GNAQ: variants seen among roughly 807,000 people sequenced by gnomAD.
GNAQ encodes G protein subunit alpha q.
In GNAQ, 8 loss-of-function variants were observed where a neutral mutation model predicts 43.9. The observed-to-expected ratio is 0.18, with a 90% CI of 0.11 to 0.33. The LOEUF is 0.33. GNAQ is among the 10% of genes least tolerant of loss of function. The probability of loss-of-function intolerance (pLI) is 1.00; values close to 1 mark genes in which losing one functional copy is unlikely to be tolerated. For synonymous variants in GNAQ, 155 were observed against 170.7 expected (o/e 0.91, Z 0.71); for missense variants, 158 against 450.8 (o/e 0.35, Z 5.88).
Position 77,890,493 on chromosome 9 carries a change from G to A in GNAQ, c.321+31668C>T, listed in dbSNP as rs529884666. Among the ~76,000 whole-genome samples, 13 of 152,308 alleles carry A rather than the reference G, an allele frequency of 8.5e-5. 1 individual carries two copies. Among genetic ancestry groups the A allele is most frequent in the African/African-American group, 2.9e-4 (12 of 41,564 alleles). Reference sequence around the variant, plus strand: ...AATCCTAGCACTTTGGGAGGCCGAGGTGGGAGGATCACCTGTGGTTGGAAG... The same window carrying A: ...AATCCTAGCACTTTGGGAGGCCGAGATGGGAGGATCACCTGTGGTTGGAAG... On this transcript the variant is annotated intron_variant, in intron 2 of 6. Coordinates refer to ENST00000286548, the MANE Select transcript of GNAQ (RefSeq NM_002072.5).
At chr9:77,874,123 A>C (rs1262281455) in intron 2 of GNAQ, among the ~76,000 whole-genome samples, 1 of 151,902 alleles carries the variant, frequency 6.6e-6, no homozygotes, top group Non-Finnish European at 1.5e-5. Flanking sequence ...AAAACAAAAA[A>C]ACAAAAAAAC....
At position 77,800,131 on chromosome 9, in the gene GNAQ, T is replaced by G. The variant is rs955987415; in HGVS notation, c.477-2483A>C. Among the ~76,000 whole-genome samples the G allele has an allele frequency of 6.6e-5, 10 of 152,084 alleles. No homozygotes were observed. The East Asian group carries it at 1.2e-3, about 18-fold the overall frequency. On this transcript the variant is annotated intron_variant, in intron 3 of 6. Coordinates refer to ENST00000286548, the MANE Select transcript of GNAQ (RefSeq NM_002072.5). ...CACTTTTACACTGTTGGTGGGACTG[T>G]AAACTAGTTCAACCATTGTGGAAGT...
chr9:77,731,413 C>T (rs1825486970), intron 5 of GNAQ, among the ~76,000 whole-genome samples: 1 of 152,188 alleles, frequency 6.6e-6, no homozygotes, highest in African/African-American at 2.4e-5. Context: ...GGAGGCAGGT[C>T]CTGCTGAAGC....
At position 77,805,538 on chromosome 9, in the gene GNAQ, G is replaced by A. The variant is rs369850414; in HGVS notation, c.477-7890C>T. Among the ~76,000 whole-genome samples, 5 of 152,062 alleles carry A rather than the reference G, an allele frequency of 3.3e-5. No individual in the cohort carries two copies. In the South Asian group the frequency reaches 1.0e-3, roughly 32 times the overall value. On this transcript the variant is annotated intron_variant, in intron 3 of 6. Coordinates refer to ENST00000286548, the MANE Select transcript of GNAQ (RefSeq NM_002072.5). ...TCCTGCCTCAGCCTCCCGAGTAGCTGGGATTACATGCGCGCAGCACCAGGC... is the reference window on the plus strand; with the variant it reads ...TCCTGCCTCAGCCTCCCGAGTAGCTAGGATTACATGCGCGCAGCACCAGGC...
intron 2 of GNAQ, among the ~76,000 whole-genome samples, chr9:77,869,215 G>C (rs560963289): frequency 6.6e-6 from 1 of 152,168 alleles, no homozygotes; most frequent in Admixed American, 6.5e-5. Flanking sequence ...TGACATTCTA[G>C]AGGGGAAATT....
intron 2 of GNAQ, among the ~76,000 whole-genome samples, chr9:77,885,964 AT>A (rs1193892675): frequency 2.8e-5 from 4 of 141,286 alleles, no homozygotes; most frequent in African/African-American, 1.1e-4. Flanking sequence ...TCTCCCTGGC[AT>A]TTAAAAAGAA....
chr9:77,968,107 T>C (rs1823192228), intron 1 of GNAQ, among the ~76,000 whole-genome samples: 1 of 152,216 alleles, frequency 6.6e-6, no homozygotes, highest in Non-Finnish European at 1.5e-5. Context: ...CACTGAATTG[T>C]ATACATTATA....
chr9:78,017,936 ACTG>A (rs1408797016), intron 1 of GNAQ, among the ~76,000 whole-genome samples: 11 of 152,296 alleles, frequency 7.2e-5, no homozygotes, highest in African/African-American at 2.6e-4. Context: ...CTCCTAACTT[ACTG>A]ATATTCTAAT....
intron 2 of GNAQ, among the ~76,000 whole-genome samples, chr9:77,852,201 G>A (rs989236592): frequency 6.6e-6 from 1 of 152,120 alleles, no homozygotes; most frequent in South Asian, 2.1e-4. Context: ...AAACTAGATG[G>A]GGTTTCCTTC....
intron 2 of GNAQ, among the ~76,000 whole-genome samples, chr9:77,909,253 GA>G (rs1186380886): frequency 6.6e-6 from 1 of 152,190 alleles, no homozygotes; most frequent in African/African-American, 2.4e-5. Context: ...CAACTTTAGT[GA>G]GGTACTTTGA....
rs1824053534 is a variant in GNAQ at position 78,031,146 on chromosome 9, G to T, written c.90C>A (p.Arg30=). The change falls in exon 1 of 7, where the codon CGC becomes CGA. Residue 30 remains arginine (R), a synonymous_variant. Transcript: ENST00000286548. ...RINDEIERQL[R]RDKRDARREL... is the part of the protein sequence containing the mutation. ...CCCGGCGGGCGTCCCGCTTGTCCCT[G>T]CGGAGCTGCCGCTCGATCTCGTCGT... is the stretch of plus-strand genomic sequence containing the variant. 1 of 1,545,002 alleles carries T rather than the reference G, an allele frequency of 6.5e-7. No individual in the cohort carries two copies. The highest frequency in any genetic ancestry group is 2.3e-4 in the Middle Eastern group (1 of 4,296).
At chr9:77,726,036 GGCAA>G (rs1825392960) in intron 6 of GNAQ, among the ~76,000 whole-genome samples, 1 of 152,074 alleles carries the variant, frequency 6.6e-6, no homozygotes, top group Non-Finnish European at 1.5e-5. Flanking sequence ...GTGTGTGGCA[GGCAA>G]GCGTGTTTAG....
At chr9:77,805,171 T>TAG (rs950977664) in intron 3 of GNAQ, among the ~76,000 whole-genome samples, 9 of 152,196 alleles carry the variant, frequency 5.9e-5, no homozygotes, top group African/African-American at 2.2e-4. Flanking sequence ...TAACCTACTC[T>TAG]AGTCCCTTCC....
chr9:78,030,500 A>C lies in GNAQ; in HGVS notation c.136+600T>G, dbSNP rs150902973. 6.4e-4 allele frequency: 303 copies of C among 470,390 alleles called. 2 individuals are homozygous for C. The highest frequency in any genetic ancestry group is 4.8e-3 in the African/African-American group (242 of 50,038). 29.1% of individuals were successfully genotyped at this position (470,390 alleles called of 1,614,324 possible). A position where few individuals can be genotyped will look rare whatever the true frequency, so the allele number is the denominator to read the frequency against. On this transcript the variant is annotated intron_variant, in intron 1 of 6. Coordinates refer to ENST00000286548, the MANE Select transcript of GNAQ (RefSeq NM_002072.5). ...AGACCCTTTCCTTGGAGGGCCAACC[A>C]CTTGGCTTCCTCACCATGAGTGCTC...
At chr9:77,973,424 G>A (rs1032611757) in intron 1 of GNAQ, among the ~76,000 whole-genome samples, 1 of 152,164 alleles carries the variant, frequency 6.6e-6, no homozygotes, top group Non-Finnish European at 1.5e-5. Flanking sequence ...CAGGTCTAAC[G>A]TGTATGGAAA....
chr9:77,814,355 A>T (rs1308852682), intron 3 of GNAQ, among the ~76,000 whole-genome samples: 1 of 152,132 alleles, frequency 6.6e-6, no homozygotes, highest in Non-Finnish European at 1.5e-5. Context: ...AACTATATGA[A>T]GGTATGGAAG....
At chr9:77,739,199 A>T (rs2118252944) in intron 5 of GNAQ, among the ~76,000 whole-genome samples, 1 of 152,304 alleles carries the variant, frequency 6.6e-6, no homozygotes, top group Admixed American at 6.5e-5. Context: ...ATATCAAATT[A>T]CATGTGGCAT....
At chr9:77,771,184 C>G (rs1020622598) in intron 5 of GNAQ, among the ~76,000 whole-genome samples, 4 of 152,124 alleles carry the variant, frequency 2.6e-5, no homozygotes, top group Non-Finnish European at 5.9e-5. Context: ...TCTATGCTAT[C>G]TCTTTCCTTT....
intron 5 of GNAQ, among the ~76,000 whole-genome samples, chr9:77,766,225 T>C (rs151088366): frequency 6.6e-6 from 1 of 152,344 alleles, no homozygotes; most frequent in African/African-American, 2.4e-5. Context: ...TATATATGTA[T>C]ATTTTACAAT....
Sources: allele counts gnomAD v4.1 joint callset (sites outside exome capture counted in the v4.1 genomes callset), GRCh38; gene constraint gnomAD v4.1.1; transcripts MANE v1.5; gene names NCBI Gene and HGNC (gene_info 2026-07-23, HGNC 2026-07-21).